The following XPNPEP1 variants were observed in gnomAD, a reference collection of about 807,000 sequenced individuals.
XPNPEP1 encodes the protein X-prolyl aminopeptidase 1.
In XPNPEP1, 39 loss-of-function variants were observed where a neutral mutation model predicts 92.4. The observed-to-expected ratio is 0.42, with a 90% CI of 0.33 to 0.55. XPNPEP1 has a LOEUF of 0.55. XPNPEP1 is among the 20% of genes least tolerant of loss of function. The pLI, the probability that XPNPEP1 is intolerant of heterozygous loss-of-function variation, is 0.08. For missense variants in XPNPEP1, 654 were observed against 856.1 expected (o/e 0.76, Z 2.95); for synonymous variants, 307 against 299.4 (o/e 1.03, Z -0.26).
At position 109,907,830 on chromosome 10, in the gene XPNPEP1, G is replaced by A. The variant is rs113603529; in HGVS notation, c.122-15C>T. On this transcript the variant is annotated splice_polypyrimidine_tract_variant and intron_variant, in intron 2 of 20. Transcript: ENST00000502935. Reference sequence around the variant, plus strand: ...CATTCTGCCGTCTGCAACAACAGGAGAGCAAATTTCAAAACCAGCCTGCCC... The same window carrying A: ...CATTCTGCCGTCTGCAACAACAGGAAAGCAAATTTCAAAACCAGCCTGCCC... 33 of 1,613,546 alleles carry A rather than the reference G, an allele frequency of 2.0e-5. 1 individual carries two copies. The South Asian group carries it at 3.4e-4, about 17-fold the overall frequency.
At chr10:109,877,559 C>T (rs1294761100) in intron 14 of XPNPEP1, 2 of 572,520 alleles carry the variant, frequency 3.5e-6, no homozygotes, top group Admixed American at 6.1e-5. Flanking sequence ...TCTGACTACC[C>T]TGCAGAGAAT....
chr10:109,875,890 A>G (rs555814141), intron 14 of XPNPEP1: 4 of 278,416 alleles, frequency 1.4e-5, no homozygotes, highest in Non-Finnish European at 2.8e-5. Context: ...TAGGTGTTCA[A>G]GAGATAATTC....
Position 109,886,305 on chromosome 10 carries a change from A to C in XPNPEP1, c.689T>G (p.Leu230Trp). ...CATGACGTTCCTCTCAGCCATTTTC[A>C]ACCGAAGGTCTGCAACCTTGTCCTT... ...SWKDKVADLRLKMAERNVMWF... is the reference protein window; with the variant it reads ...SWKDKVADLRWKMAERNVMWF... The change falls in exon 8 of 21, where the codon TTG becomes TGG. Residue 230 changes from leucine (L) to tryptophan (W), a missense_variant. Physicochemically the swap from Leu to Trp is moderately conservative, Grantham distance 61 (BLOSUM62 -2). Coordinates refer to ENST00000502935, the MANE Select transcript of XPNPEP1 (RefSeq NM_020383.4). 2 of 1,614,210 alleles carry C rather than the reference A, an allele frequency of 1.2e-6. No individual in the cohort carries two copies. Among genetic ancestry groups the C allele is most frequent in the Non-Finnish European group, 1.7e-6 (2 of 1,180,034 alleles).
intron 13 of XPNPEP1, 30 bp downstream of exon 13, chr10:109,877,970 G>A (rs1292325830): frequency 1.2e-6 from 2 of 1,614,252 alleles, no homozygotes; most frequent in Admixed American, 3.3e-5. Context: ...TCAGCACGAG[G>A]CTCCTGGGTC....
chr10:109,905,423 T>C (rs953622304), intron 3 of XPNPEP1, among the ~76,000 whole-genome samples: 10 of 152,298 alleles, frequency 6.6e-5, no homozygotes, highest in South Asian at 6.2e-4. Context: ...TTGGTCAGGC[T>C]GGTCTCCAAC....
rs1272715536 is a variant in XPNPEP1, at chr10:109,909,378, AATCACCAGCTTTAGAAAAT to A, written c.122-1582_122-1564del. On this transcript the variant is annotated intron_variant, in intron 2 of 20. Transcript: ENST00000502935. ...ACCATTCAAATAAAACCAGAGTTGGAATCACCAGCTTTAGAAAATACAAAATAGGAATAGAAATATAAAA... is the reference window on the plus strand; with the variant it reads ...ACCATTCAAATAAAACCAGAGTTGGAACAAAATAGGAATAGAAATATAAAA... 9.2e-5 allele frequency among the ~76,000 whole-genome samples: 14 copies of A among 152,358 alleles called. No individual in the cohort carries two copies. In the East Asian group the frequency reaches 2.3e-3, roughly 25 times the overall value.
intron 10 of XPNPEP1, among the ~76,000 whole-genome samples, chr10:109,881,668 G>A (rs1032362166): frequency 9.8e-5 from 15 of 152,336 alleles, no homozygotes; most frequent in Non-Finnish European, 1.8e-4. Context: ...CCACTGCTCA[G>A]TGGAGAAGAA....
In XPNPEP1 at chr10:109,891,760, G is replaced by T. The variant is rs754293563; in HGVS notation, c.377C>A (p.Ala126Asp). The change falls in exon 5 of 21, where the codon GCC becomes GAC. Residue 126 changes from alanine to aspartate, a missense_variant. Physicochemically the swap from Ala to Asp is moderately radical, Grantham distance 126. Transcript: ENST00000502935. ...WTDGRYFLQA[A>D]KQMDSNWTLM... ...TGTCCAGTTGCTGTCCATTTGCTTG[G>T]CAGCCTGGAGAAAGTAGCGCCCGTC... is the stretch of plus-strand genomic sequence containing the variant. 6.3e-7 allele frequency: 1 copy of T among 1,594,370 alleles called. No homozygotes were observed. The highest frequency in any genetic ancestry group is 8.5e-7 in the Non-Finnish European group (1 of 1,174,086).
At chr10:109,920,744 C>A (rs1850493717) in intron 1 of XPNPEP1, among the ~76,000 whole-genome samples, 1 of 152,028 alleles carries the variant, frequency 6.6e-6, no homozygotes, top group Non-Finnish European at 1.5e-5. Context: ...CAGGATCTCA[C>A]CACATTGCCC....
At chr10:109,898,527 G>A (rs558169108) in intron 3 of XPNPEP1, among the ~76,000 whole-genome samples, 21 of 152,256 alleles carry the variant, frequency 1.4e-4, no homozygotes, top group African/African-American at 4.8e-4. Context: ...GGTTTGACTG[G>A]GCCACCAAGG....
At chr10:109,911,253 C>G (rs940836269) in intron 2 of XPNPEP1, among the ~76,000 whole-genome samples, 5 of 152,214 alleles carry the variant, frequency 3.3e-5, no homozygotes, top group Non-Finnish European at 5.9e-5. Context: ...TTGCATTACA[C>G]CTGCTTCTGA....
intron 19 of XPNPEP1, 21 bp downstream of exon 19, chr10:109,869,932 A>AT (rs749565866): frequency 6.2e-7 from 1 of 1,613,284 alleles, no homozygotes; most frequent in Non-Finnish European, 8.5e-7. Context: ...AAACAGGAAA[A>AT]TTTTTTTAAT....
intron 10 of XPNPEP1, among the ~76,000 whole-genome samples, chr10:109,881,515 T>C (rs1589566849): frequency 6.6e-6 from 1 of 152,340 alleles, no homozygotes; most frequent in East Asian, 1.9e-4. Context: ...CTAAAATTGC[T>C]TTTGTGATCT....
Position 109,893,091 on chromosome 10 carries a change from GAC to G in XPNPEP1, c.247-18_247-17del. On this transcript the variant is annotated splice_polypyrimidine_tract_variant and intron_variant, in intron 3 of 20. Coordinates refer to ENST00000502935, the MANE Select transcript of XPNPEP1 (RefSeq NM_020383.4). Reference sequence around the variant, plus strand: ...TATACTCACTCTGGAAAACAAAGATGACAACAAAGTGGGCCTCGATCAGTCAT... The same window carrying G: ...TATACTCACTCTGGAAAACAAAGATGAACAAAGTGGGCCTCGATCAGTCAT... The G allele has an allele frequency of 1.2e-6, 2 of 1,612,556 alleles. No individual in the cohort carries two copies. The highest frequency in any genetic ancestry group is 1.7e-6 in the Non-Finnish European group (2 of 1,179,216).
intron 2 of XPNPEP1, among the ~76,000 whole-genome samples, chr10:109,910,149 CTG>C (rs1334060956): frequency 1.3e-5 from 2 of 152,204 alleles, no homozygotes; most frequent in African/African-American, 4.8e-5. Flanking sequence ...CCGACAATAA[CTG>C]AGCTTTTCTA....
chr10:109,891,924 C>T (rs1589591826), intron 4 of XPNPEP1, 98 bp from the exon 5 acceptor site: 1 of 1,185,878 alleles, frequency 8.4e-7, no homozygotes, highest in African/African-American at 1.5e-5. Context: ...CAGTAAGAGG[C>T]ATCAGCTCCT....
At chr10:109,872,377 C>T (rs1467927119) in intron 16 of XPNPEP1, among the ~76,000 whole-genome samples, 1 of 152,222 alleles carries the variant, frequency 6.6e-6, no homozygotes, top group Admixed American at 6.5e-5. Flanking sequence ...TGCTCCCTAC[C>T]ACCATCCTAT....
At chr10:109,891,522 C>T in intron 5 of XPNPEP1, 200 bp downstream of exon 5, 1 of 437,602 alleles carries the variant, frequency 2.3e-6, no homozygotes, top group Admixed American at 3.9e-5. Flanking sequence ...AATAAGTATC[C>T]TGAACCAGCG....
At chr10:109,890,608 G>A (rs1265903837) in intron 5 of XPNPEP1, among the ~76,000 whole-genome samples, 1 of 151,666 alleles carries the variant, frequency 6.6e-6, no homozygotes, top group Middle Eastern at 3.4e-3. Flanking sequence ...GAGAGAGAGA[G>A]AGAGAGAGAG....
Sources: allele counts gnomAD v4.1 joint callset (sites outside exome capture counted in the v4.1 genomes callset), GRCh38; gene constraint gnomAD v4.1.1; transcripts MANE v1.5; gene names NCBI Gene and HGNC (gene_info 2026-07-23, HGNC 2026-07-21).